Variants in NAALADL2 observed in about 807,000 individuals in gnomAD.
NAALADL2 encodes the protein inactive N-acetylated-alpha-linked acidic dipeptidase-like protein 2.
Under a neutral mutation model 87.2 loss-of-function variants are expected in NAALADL2, and 76 were observed. The ratio of observed to expected loss-of-function variants is 0.87; its 90% CI spans 0.72 to 1.05. The LOEUF (loss-of-function observed/expected upper bound fraction) is 1.05. Among genes scored for constraint, NAALADL2 ranks in the 50% least tolerant of loss-of-function variants. The probability of loss-of-function intolerance (pLI) is 0.00; values close to 1 mark genes in which losing one functional copy is unlikely to be tolerated. For synonymous variants in NAALADL2, 354 were observed against 331.0 expected (o/e 1.07, Z -0.75); for missense variants, 1,089 against 945.8 (o/e 1.15, Z -1.99).
intron 1 of NAALADL2, among the ~76,000 whole-genome samples, chr3:174,906,232 A>C (rs892842872): frequency 1.1e-4 from 17 of 152,128 alleles, no homozygotes; most frequent in African/African-American, 4.1e-4. Flanking sequence ...TTTTAATGTA[A>C]GAAGAAACAT....
At chr3:175,076,976 A>G (rs1422726640) in intron 1 of NAALADL2, among the ~76,000 whole-genome samples, 1 of 152,186 alleles carries the variant, frequency 6.6e-6, no homozygotes, top group African/African-American at 2.4e-5. Context: ...ATAACATATG[A>G]TGACTGTAAT....
chr3:174,857,601 G>A (rs537445764), upstream of NAALADL2, among the ~76,000 whole-genome samples: 13 of 152,248 alleles, frequency 8.5e-5, no homozygotes, highest in African/African-American at 3.1e-4. Flanking sequence ...AAGTAAGAAT[G>A]TGATGATTAC....
At chr3:175,450,743 G>A (rs1174768064) in intron 6 of NAALADL2, among the ~76,000 whole-genome samples, 1 of 152,174 alleles carries the variant, frequency 6.6e-6, no homozygotes, top group Non-Finnish European at 1.5e-5. Context: ...CTCATAAAAT[G>A]TTGATGGGAA....
chr3:174,787,687 A>C (rs967673529), intron 3 of NAALADL2, among the ~76,000 whole-genome samples: 1 of 143,674 alleles, frequency 7.0e-6, no homozygotes, highest in Non-Finnish European at 1.5e-5. Flanking sequence ...ACTTTTTGAA[A>C]TAAAGAAAAG....
intron 10 of NAALADL2, among the ~76,000 whole-genome samples, chr3:175,609,184 G>A (rs979603531): frequency 3.3e-5 from 5 of 151,802 alleles, no homozygotes; most frequent in African/African-American, 1.2e-4. Context: ...CACTGATTTT[G>A]GCCTCATCAT....
At chr3:175,523,664 G>T (rs748006422) in intron 9 of NAALADL2, among the ~76,000 whole-genome samples, 1 of 152,194 alleles carries the variant, frequency 6.6e-6, no homozygotes, top group Non-Finnish European at 1.5e-5. Context: ...ACCCTGAGGC[G>T]TGTGGCCCCT....
intron 3 of NAALADL2, among the ~76,000 whole-genome samples, chr3:175,242,770 A>T (rs987686383): frequency 1.3e-5 from 2 of 152,208 alleles, no homozygotes; most frequent in African/African-American, 4.8e-5. Flanking sequence ...CACAGTGGTA[A>T]ATAAGAAAGC....
At chr3:175,672,731 G>A (rs964057649) in intron 11 of NAALADL2, among the ~76,000 whole-genome samples, 4 of 152,082 alleles carry the variant, frequency 2.6e-5, no homozygotes, top group Admixed American at 6.6e-5. Flanking sequence ...TATCCTTAAG[G>A]TGCAAGAAAG....
At chr3:175,721,885 T>G (rs1373168625) in intron 11 of NAALADL2, among the ~76,000 whole-genome samples, 1 of 152,082 alleles carries the variant, frequency 6.6e-6, no homozygotes, top group Non-Finnish European at 1.5e-5. Context: ...AGATTGTTTT[T>G]TAATGCATTA....
chr3:175,319,492 C>T (rs771329316), intron 4 of NAALADL2, among the ~76,000 whole-genome samples: 1 of 152,140 alleles, frequency 6.6e-6, no homozygotes, highest in Non-Finnish European at 1.5e-5. Context: ...AATAGGAGGG[C>T]TTCCCAAATA....
chr3:175,320,610 C>T (rs1759731910), intron 4 of NAALADL2, among the ~76,000 whole-genome samples: 1 of 152,078 alleles, frequency 6.6e-6, no homozygotes, highest in Non-Finnish European at 1.5e-5. Flanking sequence ...GTGACAGGCT[C>T]AGCCCTGGAA....
At chr3:175,203,915 C>T (rs918273568) in intron 2 of NAALADL2, among the ~76,000 whole-genome samples, 2 of 152,040 alleles carry the variant, frequency 1.3e-5, no homozygotes, top group Non-Finnish European at 2.9e-5. Flanking sequence ...ATAGCCTGAA[C>T]AAATCAATAA....
chr3:175,576,679 C>G (rs944472058), intron 10 of NAALADL2, among the ~76,000 whole-genome samples: 11 of 152,146 alleles, frequency 7.2e-5, no homozygotes, highest in Admixed American at 5.9e-4. Context: ...AAGAATATCA[C>G]AAAAGCATGA....
intron 3 of NAALADL2, among the ~76,000 whole-genome samples, chr3:174,754,604 C>T (rs193092459): frequency 1.4e-4 from 21 of 151,626 alleles, no homozygotes; most frequent in Admixed American, 5.9e-4. Context: ...CTACATCATG[C>T]CTGGGATCAA....
intron 13 of NAALADL2, among the ~76,000 whole-genome samples, chr3:175,760,963 T>G (rs1583143567): frequency 6.6e-6 from 1 of 152,206 alleles, no homozygotes; most frequent in African/African-American, 2.4e-5. Context: ...CCCCTCTTCC[T>G]AGACACAGTT....
rs4273375 is a variant in NAALADL2 at position 175,279,606 on chromosome 3, A to T, written c.939+23076A>T. Among the ~76,000 whole-genome samples, 4 of 151,756 alleles carry T rather than the reference A, an allele frequency of 2.6e-5. No homozygotes were observed. The South Asian group carries it at 8.3e-4, about 32-fold the overall frequency. ...TTTAAAACCACATACTTTAATTCCT[A>T]GTTCAAACCATCTGGGCTTTTTTTA... On this transcript the variant is annotated intron_variant, in intron 4 of 13. Transcript: ENST00000454872.
intron 2 of NAALADL2, among the ~76,000 whole-genome samples, chr3:175,181,733 A>ATATATATATATG (rs780652239): frequency 2.9e-5 from 1 of 34,460 alleles, no homozygotes; most frequent in Admixed American, 3.9e-4. Flanking sequence ...ATATGTATAT[A>ATATATATATATG]TGTGTATATA....
chr3:175,415,458 C>A (rs1416536821), intron 5 of NAALADL2, among the ~76,000 whole-genome samples: 1 of 152,036 alleles, frequency 6.6e-6, no homozygotes, highest in Non-Finnish European at 1.5e-5. Context: ...TTATTTTACT[C>A]TGTTACATTG....
At chr3:174,465,086 A>T (rs973804548) in intron 1 of NAALADL2, among the ~76,000 whole-genome samples, 10 of 152,138 alleles carry the variant, frequency 6.6e-5, no homozygotes, top group Admixed American at 2.0e-4. Context: ...AATATTTATT[A>T]TATTAATGTT....
Sources: allele counts gnomAD v4.1 joint callset (sites outside exome capture counted in the v4.1 genomes callset), GRCh38; gene constraint gnomAD v4.1.1; transcripts MANE v1.5; gene names NCBI Gene and HGNC (gene_info 2026-07-23, HGNC 2026-07-21).